CACNA2D4: variants seen among roughly 807,000 people sequenced by gnomAD.
CACNA2D4 encodes calcium voltage-gated channel auxiliary subunit alpha2delta 4, also known as voltage-dependent calcium channel subunit alpha-2/delta-4.
Under a neutral mutation model 163.8 loss-of-function variants are expected in CACNA2D4, and 157 were observed. The ratio of observed to expected loss-of-function variants is 0.96; its 90% CI spans 0.84 to 1.09. CACNA2D4 has a LOEUF of 1.09. Ranked by LOEUF, CACNA2D4 falls within the 50% of genes least tolerant of loss-of-function variation. The probability of loss-of-function intolerance (pLI) is 0.00; values close to 1 mark genes in which losing one functional copy is unlikely to be tolerated. For synonymous variants in CACNA2D4, 598 were observed against 586.9 expected, an observed-to-expected ratio of 1.02 and a Z score of -0.27; for missense variants, 1,410 against 1,479.9, an observed-to-expected ratio of 0.95 and a Z score of 0.78.
At chr12:1,814,982 C>G (rs1226834684) in intron 26 of CACNA2D4, among the ~76,000 whole-genome samples, 1 of 152,220 alleles carries the variant, frequency 6.6e-6, no homozygotes, top group African/African-American at 2.4e-5. Context: ...CTCCACCTCC[C>G]AGATTCAAGT....
rs1864763574 is a variant in CACNA2D4, at chr12:1,834,450, C to T, written c.2551+6289G>A. On this transcript the variant is annotated intron_variant, in intron 26 of 37. Coordinates refer to ENST00000382722, the MANE Select transcript of CACNA2D4 (RefSeq NM_172364.5). The surrounding 1 kb of genome is among the most constrained non-coding windows in gnomAD (Gnocchi z 7.6). ...AGTCCAGAGCCTGCTAAGCCCAAGC[C>T]CGGGGCTGAGCCGGAGCCGGAGCCC... 6.2e-7 allele frequency: 1 copy of T among 1,611,966 alleles called. No individual in the cohort carries two copies. Among genetic ancestry groups the T allele is most frequent in the South Asian group, 1.1e-5 (1 of 91,072 alleles).
intron 1 of CACNA2D4, among the ~76,000 whole-genome samples, chr12:1,916,670 A>C (rs1334736455): frequency 6.6e-6 from 1 of 152,222 alleles, no homozygotes; most frequent in Non-Finnish European, 1.5e-5. Flanking sequence ...GGATAAAAGA[A>C]GACGGGGGCT....
rs147954879 is a variant in CACNA2D4, at chr12:1,831,010, G to T, written c.2551+9729C>A. The T allele has an allele frequency of 1.6e-5, 26 of 1,613,900 alleles. 1 individual carries two copies. In the South Asian group the frequency reaches 2.9e-4, roughly 18 times the overall value. ...CCTTTCTCCTGCAAGTGTGACAGCC[G>T]CAGCCTGGAGGTGGACTGCAGTGGC... On this transcript the variant is annotated intron_variant, in intron 26 of 37. Transcript: ENST00000382722.
At chr12:1,872,358 G>T (rs1030808346) in intron 18 of CACNA2D4, among the ~76,000 whole-genome samples, 3 of 152,176 alleles carry the variant, frequency 2.0e-5, no homozygotes, top group Non-Finnish European at 2.9e-5. Flanking sequence ...TGCTGTTGAC[G>T]TGTGGAAAAT....
intron 18 of CACNA2D4, among the ~76,000 whole-genome samples, chr12:1,865,067 C>T (rs1181964121): frequency 6.6e-6 from 1 of 152,200 alleles, no homozygotes; most frequent in Non-Finnish European, 1.5e-5. Context: ...GGGTGAGGTT[C>T]AGCTGCAGTC....
rs1365087936 is a variant in CACNA2D4 at position 1,883,649 on chromosome 12, C to G, written c.1351+594G>C. Among the ~76,000 whole-genome samples the G allele has an allele frequency of 6.6e-6, 1 of 152,216 alleles. No homozygotes were observed. The highest frequency in any genetic ancestry group is 6.5e-5 in the Admixed American group (1 of 15,288). On this transcript the variant is annotated intron_variant, in intron 12 of 37. Transcript: ENST00000382722. The surrounding 1 kb of genome is among the most constrained non-coding windows in gnomAD (Gnocchi z 4.5). ...CCTTTCAGCACACTGTTCCCTCTGT[C>G]TGGAACACCCTTCCAGTCGCCCCAC...
At chr12:1,856,279 G>T in intron 20 of CACNA2D4, 50 bp from the exon 21 acceptor site, 2 of 1,598,860 alleles carry the variant, frequency 1.3e-6, no homozygotes, top group South Asian at 1.1e-5. Flanking sequence ...TGCCATGAGG[G>T]TGTGTGTCTC....
chr12:1,856,010 A>G lies in CACNA2D4; in HGVS notation c.2152+2T>C. ...TTGCCTCAGTGGGCGGCCAGCACTC[A>G]CACTCCAGGTCTGGGTCCTTCCTGG... On this transcript the variant is annotated splice_donor_variant, in intron 22 of 37. Transcript: ENST00000382722. LOFTEE classifies it high-confidence loss of function. The G allele has an allele frequency of 6.2e-7, 1 of 1,612,340 alleles. No individual in the cohort carries two copies. Among genetic ancestry groups the G allele is most frequent in the Non-Finnish European group, 8.5e-7 (1 of 1,178,468 alleles).
chr12:1,838,516 C>A (rs541062943), intron 26 of CACNA2D4, among the ~76,000 whole-genome samples: 2 of 152,292 alleles, frequency 1.3e-5, no homozygotes, highest in South Asian at 4.1e-4. Flanking sequence ...CAGAAGGAGA[C>A]CAAAAGAAAA....
At chr12:1,884,444 C>A in intron 11 of CACNA2D4, 123 bp from the exon 12 acceptor site, 1 of 787,468 alleles carries the variant, frequency 1.3e-6, no homozygotes, top group South Asian at 1.6e-5. Context: ...TCTCCAATTT[C>A]ACCCCCTGAG....
intron 1 of CACNA2D4, among the ~76,000 whole-genome samples, chr12:1,916,567 G>C (rs1234448939): frequency 1.1e-4 from 3 of 26,908 alleles, no homozygotes; most frequent in Admixed American, 9.8e-4. Flanking sequence ...CACCTCCGGG[G>C]CAGGCAGAGG....
rs1357248651 is a variant in CACNA2D4, at chr12:1,802,117, A to C, written c.2722-473T>G. Among the ~76,000 whole-genome samples, 1 of 151,182 alleles carries C rather than the reference A, an allele frequency of 6.6e-6. No homozygotes were observed. The highest frequency in any genetic ancestry group is 1.5e-5 in the Non-Finnish European group (1 of 67,868). ...CAAGGTCAGAAGCAGCGCCTGTCTC[A>C]TGCACGCTGGTGTCCTCATCTTCCC... On this transcript the variant is annotated intron_variant, in intron 29 of 37. Coordinates refer to ENST00000382722, the MANE Select transcript of CACNA2D4 (RefSeq NM_172364.5). This position sits in a 1 kb window ranked among gnomAD's most constrained non-coding sequence, Gnocchi z 4.7.
At chr12:1,916,734 AT>A (rs2154453579) in intron 1 of CACNA2D4, among the ~76,000 whole-genome samples, 1 of 152,276 alleles carries the variant, frequency 6.6e-6, no homozygotes, top group Admixed American at 6.5e-5. Context: ...TGTCTCCTGG[AT>A]TGGGCATGAG....
intron 18 of CACNA2D4, among the ~76,000 whole-genome samples, chr12:1,866,898 G>A (rs146759869): frequency 1.0e-3 from 155 of 151,366 alleles, no homozygotes; most frequent in African/African-American, 3.5e-3. Flanking sequence ...CTCCCAAAAC[G>A]CTGGGATTAC....
rs545069814 is a variant in CACNA2D4, at chr12:1,800,498, C to G, written c.2869-60G>C. Reference sequence around the variant, plus strand: ...GGTCCAAGGGTGAGGGTGCCCCCCCCCCACCACCAGCACCACCCTCAGAGA... The same window carrying G: ...GGTCCAAGGGTGAGGGTGCCCCCCCGCCACCACCAGCACCACCCTCAGAGA... On this transcript the variant is annotated intron_variant, in intron 31 of 37. Coordinates refer to ENST00000382722, the MANE Select transcript of CACNA2D4 (RefSeq NM_172364.5). The G allele has an allele frequency of 1.1e-4, 169 of 1,537,958 alleles. No individual in the cohort carries two copies. The African/African-American group carries it at 1.5e-3, about 14-fold the overall frequency.
At position 1,800,426 on chromosome 12, in the gene CACNA2D4, A is replaced by G; in HGVS notation, c.2881T>C (p.Phe961Leu). The change falls in exon 32 of 38, where the codon TTC becomes CTC. Residue 961 changes from phenylalanine to leucine, a missense_variant. By Grantham distance (22) the Phe-to-Leu change is conservative. Coordinates refer to ENST00000382722, the MANE Select transcript of CACNA2D4 (RefSeq NM_172364.5). Reference sequence around the variant, plus strand: ...AGCAGCCACCTGGTCGCCGTCAAGAAGGCAGAAATTGGCTGGGAAGGAGAG... The same window carrying G: ...AGCAGCCACCTGGTCGCCGTCAAGAGGGCAGAAATTGGCTGGGAAGGAGAG... ...AQPLVSPISA[F>L]LTATRWLLQE... The G allele has an allele frequency of 1.2e-6, 2 of 1,613,882 alleles. No homozygotes were observed. The highest frequency in any genetic ancestry group is 1.7e-6 in the Non-Finnish European group (2 of 1,179,846).
At chr12:1,912,232 T>A (rs558340436) in intron 3 of CACNA2D4, among the ~76,000 whole-genome samples, 2 of 152,288 alleles carry the variant, frequency 1.3e-5, no homozygotes, top group East Asian at 3.9e-4. Context: ...TCCTGGCTGG[T>A]CTTACGAGTC....
At chr12:1,882,773 C>T (rs1403477615) in intron 13 of CACNA2D4, 94 bp downstream of exon 13, 8 of 1,355,256 alleles carry the variant, frequency 5.9e-6, no homozygotes, top group African/African-American at 4.3e-5. Context: ...GTGCTAGGCC[C>T]ACCCCTTTCC....
intron 25 of CACNA2D4, among the ~76,000 whole-genome samples, chr12:1,842,349 G>A (rs1445815192): frequency 6.6e-6 from 1 of 152,256 alleles, no homozygotes; most frequent in Non-Finnish European, 1.5e-5. Context: ...CCCCGGCAAA[G>A]GGCAACCATG....
Sources: allele counts gnomAD v4.1 joint callset (sites outside exome capture counted in the v4.1 genomes callset), GRCh38; gene constraint gnomAD v4.1.1; non-coding constraint Gnocchi (gnomAD v3.1); transcripts MANE v1.5; gene names NCBI Gene and HGNC (gene_info 2026-07-23, HGNC 2026-07-21).